Variants in USP7 observed in about 807,000 individuals in gnomAD.
The protein encoded by USP7 is ubiquitin C-terminal hydrolase 7.
A neutral mutation model predicts 162.9 loss-of-function variants in USP7; 9 were observed. The ratio of observed to expected loss-of-function variants is 0.06; its 90% CI spans 0.03 to 0.10. USP7 has a LOEUF of 0.10. Among genes scored for constraint, USP7 ranks in the 10% least tolerant of loss-of-function variants. The pLI is 1.00. For synonymous variants in USP7, 562 were observed against 475.9 expected (o/e 1.18, Z -2.35); for missense variants, 715 against 1,373.7 (o/e 0.52, Z 7.58).
rs376716342 is a variant in USP7, at chr16:8,897,103, A to C, written c.2719-4T>G. On this transcript the variant is annotated splice_region_variant and splice_polypyrimidine_tract_variant and intron_variant, in intron 25 of 30. Coordinates refer to ENST00000344836, the MANE Select transcript of USP7 (RefSeq NM_003470.3). ...TGTCTGGATATAGTGTTATTTCCTA[A>C]GTAATGAAAAGATAAAATAAGTGCT... 6.2e-7 allele frequency: 1 copy of C among 1,602,766 alleles called. No individual in the cohort carries two copies.
At chr16:8,913,646 T>G (rs1171424400) in intron 10 of USP7, among the ~76,000 whole-genome samples, 1 of 152,080 alleles carries the variant, frequency 6.6e-6, no homozygotes, top group East Asian at 1.9e-4. Flanking sequence ...CGACCCGCAC[T>G]AAATGATTCC....
intron 1 of USP7, among the ~76,000 whole-genome samples, chr16:8,961,837 C>T (rs573537934): frequency 6.6e-6 from 1 of 152,274 alleles, no homozygotes; most frequent in South Asian, 2.1e-4. Flanking sequence ...ACATAACAGG[C>T]GCTCTTAGTT....
At chr16:8,909,188 G>C (rs2061905228) in intron 11 of USP7, among the ~76,000 whole-genome samples, 1 of 152,192 alleles carries the variant, frequency 6.6e-6, no homozygotes, top group South Asian at 2.1e-4. Context: ...TTGTTCCTCA[G>C]TAAAATCAGG....
At chr16:8,951,268 T>TGTCAGGGAAAGA (rs375728638) in intron 1 of USP7, among the ~76,000 whole-genome samples, 2 of 152,210 alleles carry the variant, frequency 1.3e-5, no homozygotes, top group African/African-American at 4.8e-5. Flanking sequence ...CTTTAAAATC[T>TGTCAGGGAAAGA]GGCCTCTTAA....
chr16:8,933,719 G>A (rs368934250), intron 1 of USP7, among the ~76,000 whole-genome samples: 22 of 151,704 alleles, frequency 1.5e-4, no homozygotes, highest in African/African-American at 5.1e-4. Flanking sequence ...CAAAATGCTG[G>A]GATTACAGGC....
chr16:8,911,458 C>A (rs1436272672), intron 10 of USP7, among the ~76,000 whole-genome samples: 1 of 152,176 alleles, frequency 6.6e-6, no homozygotes, highest in Admixed American at 6.5e-5. Flanking sequence ...CAATCCAACA[C>A]GGAATTGTAT....
intron 10 of USP7, 94 bp downstream of exon 10, chr16:8,915,160 G>C (rs1297200647): frequency 2.5e-6 from 3 of 1,183,964 alleles, no homozygotes; most frequent in Non-Finnish European, 3.6e-6. Flanking sequence ...TCTGTGTTTA[G>C]ACTATTTAAA....
Position 8,916,000 on chromosome 16 carries a change from T to C in USP7, c.907-475A>G, listed in dbSNP as rs562642346. 5.3e-5 allele frequency among the ~76,000 whole-genome samples: 8 copies of C among 152,254 alleles called. No individual in the cohort carries two copies. In the South Asian group the frequency reaches 1.7e-3, roughly 32 times the overall value. On this transcript the variant is annotated intron_variant, in intron 8 of 30. Coordinates refer to ENST00000344836, the MANE Select transcript of USP7 (RefSeq NM_003470.3). ...AATCACCTTGAACAGCCATTTCATG[T>C]TGTGTGTGTGTGCTTCTGCGTCTTT...
At chr16:8,895,859 GAC>G in intron 26 of USP7, 118 bp from the exon 27 acceptor site, 5 of 614,472 alleles carry the variant, frequency 8.1e-6, no homozygotes, top group Admixed American at 6.9e-5. Context: ...TTTTTTTTGA[GAC>G]AGTCTCAATC....
intron 5 of USP7, among the ~76,000 whole-genome samples, chr16:8,919,768 G>A (rs1420860666): frequency 6.8e-6 from 1 of 148,036 alleles, no homozygotes; most frequent in African/African-American, 2.5e-5. Flanking sequence ...ATCTCCCTCT[G>A]TACACAATGC....
chr16:8,944,272 G>A (rs1899182821), intron 1 of USP7, among the ~76,000 whole-genome samples: 1 of 151,706 alleles, frequency 6.6e-6, no homozygotes, highest in South Asian at 2.1e-4. Flanking sequence ...GCTGAGGCTT[G>A]ACACCCCCTT....
intron 7 of USP7, 94 bp from the exon 8 acceptor site, chr16:8,916,650 C>G (rs796308576): frequency 8.2e-7 from 1 of 1,215,742 alleles, no homozygotes; most frequent in South Asian, 1.4e-5. Context: ...ACTGGATAAT[C>G]AGCTATTATT....
chr16:8,959,110 T>C (rs189535300), intron 1 of USP7, among the ~76,000 whole-genome samples: 3 of 152,326 alleles, frequency 2.0e-5, no homozygotes, highest in East Asian at 3.9e-4. Flanking sequence ...CCAGGCACTT[T>C]AGATGTGCCT....
chr16:8,947,763 T>C (rs564230419), intron 1 of USP7, among the ~76,000 whole-genome samples: 1 of 152,298 alleles, frequency 6.6e-6, no homozygotes, highest in East Asian at 1.9e-4. Flanking sequence ...GATCCTGCCA[T>C]CAAAAACTTA....
Position 8,923,110 on chromosome 16 carries a change from A to C in USP7, c.383+105T>G, listed in dbSNP as rs942707492. On this transcript the variant is annotated intron_variant, in intron 3 of 30. Transcript: ENST00000344836. ...GGGTTTTAAAGAGAAACACGTATTT[A>C]ATCTAATTTAAAATCAAAAGGCTAT... 1.3e-5 allele frequency: 7 copies of C among 545,352 alleles called. No individual in the cohort carries two copies. The East Asian group carries it at 1.5e-4, about 12-fold the overall frequency. The allele number at this position is 545,352 out of a possible 1,614,324, so 33.8% of individuals were successfully genotyped here.
At chr16:8,917,386 A>G (rs914177601) in intron 6 of USP7, among the ~76,000 whole-genome samples, 6 of 152,204 alleles carry the variant, frequency 3.9e-5, no homozygotes, top group African/African-American at 1.4e-4. Context: ...TTTGAAAATC[A>G]CCACCCACGT....
intron 26 of USP7, 27 bp from the exon 27 acceptor site, chr16:8,895,768 G>A: frequency 6.9e-7 from 1 of 1,455,652 alleles, no homozygotes; most frequent in Non-Finnish European, 9.5e-7. Flanking sequence ...AAAAAATAGG[G>A]CAAAATGAAG....
chr16:8,932,771 A>C (rs906708462), intron 1 of USP7, among the ~76,000 whole-genome samples: 1 of 152,190 alleles, frequency 6.6e-6, no homozygotes, highest in African/African-American at 2.4e-5. Context: ...GGAGGCAAGA[A>C]GGGAATGGGG....
At position 8,963,361 on chromosome 16, in the gene USP7, GGGCGGCGGCGGCGGC is replaced by G. The variant is rs920151583; in HGVS notation, c.-91_-77del. On this transcript the variant is annotated 5_prime_UTR_variant, in exon 1 of 31. Transcript: ENST00000344836. Reference sequence around the variant, plus strand: ...CCGGCGGGCGGGCGGCGGCGAGCCGGGGCGGCGGCGGCGGCGGCGGCGGCGGGGCGGCCTCCTCCT... The same window carrying G: ...CCGGCGGGCGGGCGGCGGCGAGCCGGGGCGGCGGCGGGGCGGCCTCCTCCT... 1 of 448,258 alleles carries G rather than the reference GGGCGGCGGCGGCGGC, an allele frequency of 2.2e-6. No homozygotes were observed. The highest frequency in any genetic ancestry group is 2.9e-6 in the Non-Finnish European group (1 of 343,154). 27.8% of individuals were successfully genotyped at this position (448,258 alleles called of 1,614,324 possible). A position where few individuals can be genotyped will look rare whatever the true frequency, so the allele number is the denominator to read the frequency against.
Sources: gnomAD v4.1 joint callset for allele counts (sites outside exome capture counted in the v4.1 genomes callset) on GRCh38, gnomAD v4.1.1 for gene constraint, MANE v1.5 for transcripts, NCBI Gene and HGNC (gene_info 2026-07-23, HGNC 2026-07-21) for gene names.